PHF12: variants seen among roughly 807,000 people sequenced by gnomAD.
PHF12 encodes PHD factor 1.
PHF12 carries 6 observed loss-of-function variants against 99.8 expected under a neutral mutation model. The observed-to-expected ratio is 0.06, with a 90% CI of 0.03 to 0.12. The LOEUF (loss-of-function observed/expected upper bound fraction) is 0.12, where lower values mean the gene tolerates loss of function less well. Among genes scored for constraint, PHF12 ranks in the 10% least tolerant of loss-of-function variants. PHF12 has a pLI of 1.00. For synonymous variants in PHF12, 480 were observed against 514.9 expected, an observed-to-expected ratio of 0.93 and a Z score of 0.92; for missense variants, 954 against 1,300.1, an observed-to-expected ratio of 0.73 and a Z score of 4.09.
chr17:28,906,796 G>C lies in PHF12; in HGVS notation c.2680+60C>G. 6.5e-7 allele frequency: 1 copy of C among 1,542,588 alleles called. No individual in the cohort carries two copies. The highest frequency in any genetic ancestry group is 8.8e-7 in the Non-Finnish European group (1 of 1,140,980). ...GCAAGAGACAGACCATGGGCAGCAA[G>C]TCAGAACCACCCTGACTGGGGCCTC... On this transcript the variant is annotated intron_variant, in intron 14 of 14. Transcript: ENST00000332830. The surrounding 1 kb of genome is among the most constrained non-coding windows in gnomAD (Gnocchi z 4.2).
chr17:28,928,104 C>T (rs2152669548), intron 2 of PHF12: 1 of 152,352 alleles, frequency 6.6e-6, no homozygotes, highest in Middle Eastern at 3.4e-3. Context: ...GAGTGAAACT[C>T]CATCTTGAGA....
Position 28,950,758 on chromosome 17 carries a change from G to T in PHF12, c.66+137C>A. On this transcript the variant is annotated intron_variant, in intron 1 of 14. Coordinates refer to ENST00000332830, the MANE Select transcript of PHF12 (RefSeq NM_001033561.2). This position sits in a 1 kb window ranked among gnomAD's most constrained non-coding sequence, Gnocchi z 5.7. ...TCAGCCCCCTAAATTGCAAAGAGGGGAGGGAGAGGCTAGGTGAGGAAGAAT... is the reference window on the plus strand; with the variant it reads ...TCAGCCCCCTAAATTGCAAAGAGGGTAGGGAGAGGCTAGGTGAGGAAGAAT... 4 of 1,288,862 alleles carry T rather than the reference G, an allele frequency of 3.1e-6. No homozygotes were observed. Among genetic ancestry groups the T allele is most frequent in the Non-Finnish European group, 4.2e-6 (4 of 957,870 alleles). The allele number at this position is 1,288,862 out of a possible 1,614,324, so 79.8% of individuals were successfully genotyped here.
chr17:28,941,668 T>C (rs1372699976), intron 2 of PHF12, among the ~76,000 whole-genome samples: 2 of 152,008 alleles, frequency 1.3e-5, no homozygotes, highest in Admixed American at 1.3e-4. Context: ...TAGAGTGCAA[T>C]GGCGTGATCA....
intron 11 of PHF12, chr17:28,909,483 C>A (rs1172570838): frequency 6.5e-6 from 1 of 153,336 alleles, no homozygotes; most frequent in East Asian, 1.9e-4. Flanking sequence ...ACAGAGTTAA[C>A]CACTTGGGGA....
intron 2 of PHF12, among the ~76,000 whole-genome samples, chr17:28,930,539 T>G (rs1249578928): frequency 6.6e-6 from 1 of 152,174 alleles, no homozygotes; most frequent in African/African-American, 2.4e-5. Context: ...CACATGAAAT[T>G]ACTTATGTTT....
Position 28,912,768 on chromosome 17 carries a change from A to G in PHF12, c.1803T>C (p.Ile601=). ...GGLQNHTVGI[I]VKTENATGPS... is the part of the protein sequence containing the mutation. ...GGCCAGTGGCATTCTCTGTCTTCAC[A>G]ATGATGCCGACGGTGTGGTTCTGAA... Residue 601 remains isoleucine (I), a synonymous_variant, in exon 9 of 15, where the codon ATT becomes ATC. Transcript: ENST00000332830. The G allele has an allele frequency of 6.2e-7, 1 of 1,613,968 alleles. No homozygotes were observed. Among genetic ancestry groups the G allele is most frequent in the Non-Finnish European group, 8.5e-7 (1 of 1,179,890 alleles).
chr17:28,921,723 A>T lies in PHF12; in HGVS notation c.801T>A (p.Val267=), dbSNP rs565685769. 6.2e-7 allele frequency: 1 copy of T among 1,614,180 alleles called. No homozygotes were observed. Among genetic ancestry groups the T allele is most frequent in the African/African-American group, 1.3e-5 (1 of 75,050 alleles). The change falls in exon 5 of 15, where the codon GTT becomes GTA. Residue 267 remains valine (V), a synonymous_variant. Transcript: ENST00000332830. ...TGAAGCAGACTTTGACGGGTAAGGGAACGAGACCATTGTGATCTAATTCAT... is the reference window on the plus strand; with the variant it reads ...TGAAGCAGACTTTGACGGGTAAGGGTACGAGACCATTGTGATCTAATTCAT... ...TQHELDHNGL[V]PLPVKVCFTC...
intron 2 of PHF12, among the ~76,000 whole-genome samples, chr17:28,947,651 A>T (rs111252937): frequency 5.3e-5 from 8 of 151,924 alleles, no homozygotes; most frequent in South Asian, 2.1e-4. Context: ...GTGGCTTCAG[A>T]CGCAGAAAAG....
Position 28,912,899 on chromosome 17 carries a change from C to G in PHF12, c.1672G>C (p.Asp558His). 1 of 1,613,982 alleles carries G rather than the reference C, an allele frequency of 6.2e-7. No individual in the cohort carries two copies. Among genetic ancestry groups the G allele is most frequent in the South Asian group, 1.1e-5 (1 of 91,076 alleles). The stretch of plus-strand genomic sequence containing the variant: ...GGAAGTCGCCGGGGGTCCGTGGAAT[C>G]AGTAGGGCTGCTGTAGAGGTGTGGG... ...NGPHLYSSPT[D>H]STDPRRLPGA... Residue 558 changes from aspartate (D) to histidine (H), a missense_variant, in exon 9 of 15, where the codon GAT becomes CAT. Transcript: ENST00000332830.
In PHF12 at chr17:28,912,531, G is replaced by A. The variant is rs139457330; in HGVS notation, c.2040C>T (p.Ile680=). Residue 680 remains isoleucine, a synonymous_variant, in exon 9 of 15, where the codon ATC becomes ATT. Transcript: ENST00000332830. The part of the protein sequence containing the change: ...LTPPQAAGDG[I]LATTANQRFS... ...ATCGTTGGTTGGCTGTTGTGGCCAA[G>A]ATACCATCTCCTGCTGCTTGCGGGG... 354 of 1,612,062 alleles carry A rather than the reference G, an allele frequency of 2.2e-4. No homozygotes were observed. In the East Asian group the frequency reaches 7.1e-3, roughly 32 times the overall value.
rs1368199713 is a variant in PHF12 at position 28,913,934 on chromosome 17, G to A, written c.1238C>T (p.Ser413Leu). The A allele has an allele frequency of 5.0e-6, 8 of 1,613,588 alleles. No individual in the cohort carries two copies. The highest frequency in any genetic ancestry group is 5.9e-6 in the Non-Finnish European group (7 of 1,179,670). The change falls in exon 8 of 15, where the codon TCA (serine) becomes TTA (leucine). Residue 413 changes from serine (S) to leucine (L), a missense_variant. By Grantham distance (145) the Ser-to-Leu change is moderately radical. This residue lies in a region of PHF12 where 392 missense variants were observed against 423.1 expected (regional missense o/e 0.93). Coordinates refer to ENST00000332830, the MANE Select transcript of PHF12 (RefSeq NM_001033561.2). The stretch of plus-strand genomic sequence containing the variant: ...CTCAGAGTTCAAAAGGTGCATCTGT[G>A]ATTCCTCAGGGATCCCATTGCAGAT... ...ELICNGIPEE[S>L]QMHLLNSEHL...
intron 2 of PHF12, among the ~76,000 whole-genome samples, chr17:28,938,112 C>A (rs932385773): frequency 6.6e-6 from 1 of 152,212 alleles, no homozygotes; most frequent in Non-Finnish European, 1.5e-5. Context: ...CTTGCAGACA[C>A]AGCTCAGGAA....
chr17:28,944,137 A>G (rs1021862372), intron 2 of PHF12, among the ~76,000 whole-genome samples: 6 of 152,244 alleles, frequency 3.9e-5, no homozygotes, highest in African/African-American at 1.4e-4. Flanking sequence ...TTGAACCTTT[A>G]TATCTATTAA....
intron 12 of PHF12, 137 bp downstream of exon 12, chr17:28,908,646 G>A: frequency 1.3e-6 from 1 of 781,848 alleles, no homozygotes. Context: ...AGTTTCTCTT[G>A]TCTAGCTATC....
chr17:28,938,139 G>A (rs781173826), intron 2 of PHF12, among the ~76,000 whole-genome samples: 3 of 152,220 alleles, frequency 2.0e-5, no homozygotes, highest in Non-Finnish European at 4.4e-5. Context: ...CCAGTTTACA[G>A]TTTATATATA....
intron 2 of PHF12, among the ~76,000 whole-genome samples, chr17:28,937,141 T>TA (rs1424922048): frequency 2.6e-5 from 4 of 152,228 alleles, no homozygotes; most frequent in Non-Finnish European, 5.9e-5. Flanking sequence ...AATTTTAATT[T>TA]AAATTAAAAG....
At chr17:28,924,654 T>C (rs950443572) in intron 3 of PHF12, 19 of 338,422 alleles carry the variant, frequency 5.6e-5, no homozygotes, top group Non-Finnish European at 6.2e-5. Context: ...GTGAGACCAA[T>C]AGTAAAAATC....
Position 28,924,253 on chromosome 17 carries a change from T to C in PHF12, c.371A>G (p.Lys124Arg), listed in dbSNP as rs371850848. 2.8e-5 allele frequency: 46 copies of C among 1,614,116 alleles called. No homozygotes were observed. The African/African-American group carries it at 5.5e-4, about 19-fold the overall frequency. ...GGGGGATGTAGTCCGTTTGCCAGATTTGTCCACCAGTCCATTGACATGACC... is the reference window on the plus strand; with the variant it reads ...GGGGGATGTAGTCCGTTTGCCAGATCTGTCCACCAGTCCATTGACATGACC... Reference protein sequence around the residue: ...ELGHVNGLVDKSGKRTTSPSS... With the variant: ...ELGHVNGLVDRSGKRTTSPSS... Residue 124 changes from lysine (K) to arginine (R), a missense_variant, in exon 4 of 15, where the codon AAA (lysine) becomes AGA (arginine). Coordinates refer to ENST00000332830, the MANE Select transcript of PHF12 (RefSeq NM_001033561.2).
chr17:28,922,648 A>T (rs1315286239), intron 4 of PHF12, among the ~76,000 whole-genome samples: 1 of 152,222 alleles, frequency 6.6e-6, no homozygotes, highest in African/African-American at 2.4e-5. Flanking sequence ...TTACAAAGTT[A>T]TTCTCTGAAG....
Sources: gnomAD v4.1 joint callset for allele counts (sites outside exome capture counted in the v4.1 genomes callset) on GRCh38, gnomAD v4.1.1 for gene constraint, gnomAD v4.1.1 regional missense constraint, Gnocchi (gnomAD v3.1) non-coding constraint, MANE v1.5 for transcripts, NCBI Gene and HGNC (gene_info 2026-07-23, HGNC 2026-07-21) for gene names.